The following MDGA2 variants were observed in gnomAD, a reference collection of about 807,000 sequenced individuals.
MDGA2 encodes the protein MAM domain containing glycosylphosphatidylinositol anchor 2.
In MDGA2, 40 loss-of-function variants were observed where a neutral mutation model predicts 117.8. The observed-to-expected ratio is 0.34, with a 90% CI of 0.26 to 0.44. The LOEUF is 0.44. MDGA2 is among the 20% of genes least tolerant of loss of function. The pLI is 1.00. For synonymous variants in MDGA2, 452 were observed against 439.0 expected, an observed-to-expected ratio of 1.03 and a Z score of -0.37; for missense variants, 1,123 against 1,250.6, an observed-to-expected ratio of 0.90 and a Z score of 1.54.
intron 6 of MDGA2, among the ~76,000 whole-genome samples, chr14:47,066,364 T>C (rs1229269529): frequency 6.6e-6 from 1 of 152,224 alleles, no homozygotes; most frequent in East Asian, 1.9e-4. Flanking sequence ...CCTGTTAATT[T>C]TGATTTTGTG....
At chr14:46,900,506 C>A (rs945246767) in intron 10 of MDGA2, among the ~76,000 whole-genome samples, 1 of 152,064 alleles carries the variant, frequency 6.6e-6, no homozygotes, top group African/African-American at 2.4e-5. Flanking sequence ...GACACCCATA[C>A]CATTAGAATA....
At chr14:47,328,994 A>C (rs1890221292) in intron 1 of MDGA2, among the ~76,000 whole-genome samples, 1 of 152,196 alleles carries the variant, frequency 6.6e-6, no homozygotes, top group African/African-American at 2.4e-5. Context: ...CTTGCTTTTA[A>C]ACTTAATTGC....
intron 8 of MDGA2, among the ~76,000 whole-genome samples, chr14:46,995,062 T>C (rs2138451040): frequency 6.6e-6 from 1 of 152,190 alleles, no homozygotes; most frequent in South Asian, 2.1e-4. Context: ...AAATCATACA[T>C]CTAAAATTTA....
intron 9 of MDGA2, among the ~76,000 whole-genome samples, chr14:46,936,869 T>A (rs1884800764): frequency 6.6e-6 from 1 of 152,028 alleles, no homozygotes; most frequent in Non-Finnish European, 1.5e-5. Context: ...CATGTTTTTT[T>A]CAAAGAACTG....
At chr14:46,938,540 C>CAAAAAAAAAAAAAAGAAAA (rs1884871178) in intron 9 of MDGA2, among the ~76,000 whole-genome samples, 1 of 27,008 alleles carries the variant, frequency 3.7e-5, no homozygotes, top group East Asian at 1.1e-3. Flanking sequence ...AAATCCATCT[C>CAAAAAAAAAAAAAAGAAAA]AAAAAAAAAA....
At chr14:47,039,870 TTTATATA>T (rs1888998840) in intron 7 of MDGA2, among the ~76,000 whole-genome samples, 1 of 152,006 alleles carries the variant, frequency 6.6e-6, no homozygotes, top group African/African-American at 2.4e-5. Context: ...GTATCTAATT[TTTATATA>T]TTAAATAACT....
At chr14:46,861,636 C>T (rs1261366296) in intron 14 of MDGA2, among the ~76,000 whole-genome samples, 1 of 151,768 alleles carries the variant, frequency 6.6e-6, no homozygotes, top group Non-Finnish European at 1.5e-5. Flanking sequence ...GAAAAAGACA[C>T]AAGAACTACA....
intron 1 of MDGA2, among the ~76,000 whole-genome samples, chr14:47,414,272 C>T (rs1270184762): frequency 6.6e-6 from 1 of 152,110 alleles, no homozygotes; most frequent in Non-Finnish European, 1.5e-5. Context: ...CTTGTTATAA[C>T]CCAAGAGCCA....
intron 1 of MDGA2, among the ~76,000 whole-genome samples, chr14:47,465,112 T>C (rs1283522378): frequency 2.6e-5 from 4 of 152,098 alleles, no homozygotes; most frequent in Admixed American, 2.0e-4. Context: ...GACTCCCTAT[T>C]CAATAAATGG....
chr14:47,386,139 G>A (rs561434125), intron 1 of MDGA2, among the ~76,000 whole-genome samples: 3 of 151,952 alleles, frequency 2.0e-5, no homozygotes, highest in Non-Finnish European at 2.9e-5. Flanking sequence ...AAAATTAGCC[G>A]GGCATGGTGG....
chr14:47,478,674 T>C (rs2416084), intron 1 of MDGA2, among the ~76,000 whole-genome samples: 70,206 of 152,066 alleles, frequency 0.46, 16,463 homozygotes, highest in East Asian at 0.61. Context: ...CTGCACCTGG[T>C]TGCAAACATT....
intron 1 of MDGA2, among the ~76,000 whole-genome samples, chr14:47,391,206 C>T (rs1324918135): frequency 6.6e-6 from 1 of 152,164 alleles, no homozygotes; most frequent in Non-Finnish European, 1.5e-5. Flanking sequence ...TCAGTGCAAA[C>T]TCTGCTGTGA....
intron 10 of MDGA2, among the ~76,000 whole-genome samples, chr14:46,892,853 T>A (rs997881356): frequency 6.6e-6 from 1 of 151,936 alleles, no homozygotes; most frequent in African/African-American, 2.4e-5. Context: ...AAAGATGAGA[T>A]AACAAGTGTT....
At position 47,627,469 on chromosome 14, in the gene MDGA2, G is replaced by T. The variant is rs140381386; in HGVS notation, c.280+47048C>A. 2.6e-3 allele frequency among the ~76,000 whole-genome samples: 389 copies of T among 152,264 alleles called. 1 individual carries two copies. The highest frequency in any genetic ancestry group is 8.9e-3 in the African/African-American group (370 of 41,552). ...CTCAAGGTTTGTGAATGCACCAATC[G>T]CACTCTGTGTCTAGCTCAGGGTTTG... On this transcript the variant is annotated intron_variant, in intron 1 of 16. Transcript: ENST00000399232.
At chr14:47,547,783 T>C (rs555245499) in intron 1 of MDGA2, among the ~76,000 whole-genome samples, 1 of 152,260 alleles carries the variant, frequency 6.6e-6, no homozygotes, top group Non-Finnish European at 1.5e-5. Flanking sequence ...AGTTAAATTC[T>C]ATAACTGTAA....
At chr14:47,497,478 G>A (rs1378753821) in intron 1 of MDGA2, among the ~76,000 whole-genome samples, 2 of 151,944 alleles carry the variant, frequency 1.3e-5, no homozygotes, top group Non-Finnish European at 1.5e-5. Flanking sequence ...GGCTGGTCTC[G>A]AACTCCTAAC....
chr14:47,200,755 C>T (rs191194532), intron 3 of MDGA2: 3 of 863,806 alleles, frequency 3.5e-6, no homozygotes, highest in Non-Finnish European at 5.7e-6. Flanking sequence ...TCCAGCCAAC[C>T]TCGTGAGCCA....
chr14:47,674,586 C>A lies in MDGA2; in HGVS notation c.211G>T (p.Asp71Tyr). 1.3e-6 allele frequency: 2 copies of A among 1,551,456 alleles called. No homozygotes were observed. Among genetic ancestry groups the A allele is most frequent in the African/African-American group, 2.7e-5 (2 of 73,118 alleles). ...AGYVHVHVKM[D>Y]LLYGLVWLLT... Reference sequence around the variant, plus strand: ...AGCCACACGAGACCGTACAGTAAATCCATCTTCACGTGAACATGAACATAT... The same window carrying A: ...AGCCACACGAGACCGTACAGTAAATACATCTTCACGTGAACATGAACATAT... Residue 71 changes from aspartate to tyrosine, a missense_variant, in exon 1 of 17, where the codon GAT becomes TAT. Asp to Tyr is a radical substitution (Grantham distance 160). Transcript: ENST00000399232.
rs186986378 is a variant in MDGA2 at position 47,250,630 on chromosome 14, C to A, written c.421-32435G>T. On this transcript the variant is annotated intron_variant, in intron 2 of 16. Coordinates refer to ENST00000399232, the MANE Select transcript of MDGA2 (RefSeq NM_001113498.3). ...AGTGGGCCCTCACCAGACACCAGATCTTCCAGCACTTTGATCTTGGACTTC... is the reference window on the plus strand; with the variant it reads ...AGTGGGCCCTCACCAGACACCAGATATTCCAGCACTTTGATCTTGGACTTC... Among the ~76,000 whole-genome samples the A allele has an allele frequency of 5.5e-4, 84 of 152,290 alleles. 1 individual carries two copies. The East Asian group carries it at 0.013, about 24-fold the overall frequency.
Sources: allele counts gnomAD v4.1 joint callset (sites outside exome capture counted in the v4.1 genomes callset), GRCh38; gene constraint gnomAD v4.1.1; transcripts MANE v1.5; gene names NCBI Gene and HGNC (gene_info 2026-07-23, HGNC 2026-07-21).